LDAH: variants seen among roughly 807,000 people sequenced by gnomAD.
The protein encoded by LDAH is lipid droplet-associated hydrolase.
LDAH carries 26 observed loss-of-function variants against 29.6 expected under a neutral mutation model. The observed-to-expected ratio is 0.88, with a 90% CI of 0.64 to 1.22. The LOEUF (loss-of-function observed/expected upper bound fraction) is 1.22, where lower values mean the gene tolerates loss of function less well. Ranked by LOEUF, LDAH falls within the 50% of genes most tolerant of loss-of-function variation. The pLI is 0.00. For synonymous variants in LDAH, 117 were observed against 133.0 expected (o/e 0.88, Z 0.83); for missense variants, 344 against 387.3 (o/e 0.89, Z 0.94).
intron 2 of LDAH, among the ~76,000 whole-genome samples, chr2:20,801,062 A>G (rs1671625310): frequency 6.6e-6 from 1 of 151,802 alleles, no homozygotes; most frequent in African/African-American, 2.4e-5. Context: ...CTGCATATAT[A>G]GTACATACTT....
At chr2:20,683,233 T>C (rs1050092431), downstream of LDAH, among the ~76,000 whole-genome samples, 1 of 152,226 alleles carries the variant, frequency 6.6e-6, no homozygotes, top group Non-Finnish European at 1.5e-5. Flanking sequence ...TGGGCCAATG[T>C]GATCACTTAC....
At chr2:20,741,855 T>A (rs1480766001) in intron 4 of LDAH, among the ~76,000 whole-genome samples, 3 of 152,218 alleles carry the variant, frequency 2.0e-5, no homozygotes, top group Admixed American at 6.5e-5. Context: ...ATTTTCTTTA[T>A]CCATTCATCT....
Position 20,698,911 on chromosome 2 carries a change from A to G in LDAH, c.786+2659T>C, listed in dbSNP as rs561945290. 1.3e-5 allele frequency among the ~76,000 whole-genome samples: 2 copies of G among 152,322 alleles called. No individual in the cohort carries two copies. The highest frequency in any genetic ancestry group is 4.1e-4 in the South Asian group (2 of 4,826). Reference sequence around the variant, plus strand: ...AATGCCCATTTTCCTCAAGCATATAAAAAGCTCTCTTCTTGTGTCAAATGG... The same window carrying G: ...AATGCCCATTTTCCTCAAGCATATAGAAAGCTCTCTTCTTGTGTCAAATGG... On this transcript the variant is annotated intron_variant, in intron 6 of 6. Transcript: ENST00000237822. This position sits in a 1 kb window ranked among gnomAD's most constrained non-coding sequence, Gnocchi z 4.4.
intron 5 of LDAH, among the ~76,000 whole-genome samples, chr2:20,717,238 A>G (rs1665284179): frequency 6.6e-6 from 1 of 152,232 alleles, no homozygotes; most frequent in African/African-American, 2.4e-5. Context: ...TAACCACAAA[A>G]GATTGTTAAA....
chr2:20,689,954 C>T (rs340595), intron 6 of LDAH, among the ~76,000 whole-genome samples: 53,545 of 152,122 alleles, frequency 0.35, 9,817 homozygotes, highest in African/African-American at 0.42. Context: ...GAAAAGACCT[C>T]ATCTAATACA....
chr2:20,721,574 A>AC (rs986768882), intron 5 of LDAH, among the ~76,000 whole-genome samples: 6 of 151,764 alleles, frequency 4.0e-5, no homozygotes, highest in African/African-American at 1.5e-4. Flanking sequence ...CAAAAAAAAA[A>AC]CCCCACAATT....
At position 20,738,772 on chromosome 2, in the gene LDAH, A is replaced by G. The variant is rs1202480290; in HGVS notation, c.703+1199T>C. Among the ~76,000 whole-genome samples the G allele has an allele frequency of 2.0e-5, 3 of 152,234 alleles. No individual in the cohort carries two copies. In the East Asian group the frequency reaches 5.8e-4, roughly 29 times the overall value. On this transcript the variant is annotated intron_variant, in intron 5 of 6. Transcript: ENST00000237822. Reference sequence around the variant, plus strand: ...AATGGAAGGGGGAAAAAATCTATCAATAGGACAAATATACTGAACCTTGTA... The same window carrying G: ...AATGGAAGGGGGAAAAAATCTATCAGTAGGACAAATATACTGAACCTTGTA...
At chr2:20,812,797 C>T (rs772976971) in intron 1 of LDAH, among the ~76,000 whole-genome samples, 12 of 152,126 alleles carry the variant, frequency 7.9e-5, no homozygotes, top group Non-Finnish European at 1.5e-4. Context: ...TGTCCAAGAG[C>T]GTAAGAACCA....
At chr2:20,725,196 G>T (rs1054836408) in intron 5 of LDAH, among the ~76,000 whole-genome samples, 8 of 152,118 alleles carry the variant, frequency 5.3e-5, no homozygotes, top group Non-Finnish European at 8.8e-5. Flanking sequence ...TTAGGAAAAG[G>T]CTTTGGTAGA....
intron 1 of LDAH, among the ~76,000 whole-genome samples, chr2:20,811,057 G>A (rs1020197041): frequency 6.0e-4 from 88 of 146,126 alleles, no homozygotes; most frequent in African/African-American, 2.1e-3. Context: ...CCGCTCTCTC[G>A]CCCAGGCTGG....
Position 20,711,280 on chromosome 2 carries a change from C to T in LDAH, c.704-9628G>A, listed in dbSNP as rs369676145. Among the ~76,000 whole-genome samples the T allele has an allele frequency of 3.1e-3, 464 of 151,334 alleles. 5 individuals carry two copies. The highest frequency in any genetic ancestry group is 0.011 in the African/African-American group (438 of 41,230). ...GTGGGCGCCTGTAGTCCCAGCTACT[C>T]GGGAGGCTGAGGCAGAATGGTGTGA... On this transcript the variant is annotated intron_variant, in intron 5 of 6. Coordinates refer to ENST00000237822, the MANE Select transcript of LDAH (RefSeq NM_021925.4).
At chr2:20,719,304 A>G (rs892655263) in intron 5 of LDAH, among the ~76,000 whole-genome samples, 2 of 151,642 alleles carry the variant, frequency 1.3e-5, no homozygotes, top group Middle Eastern at 3.2e-3. Flanking sequence ...AAAAAAGGAA[A>G]CATTACAACT....
intron 4 of LDAH, among the ~76,000 whole-genome samples, chr2:20,755,396 A>G (rs1668274677): frequency 6.6e-6 from 1 of 152,202 alleles, no homozygotes; most frequent in Non-Finnish European, 1.5e-5. Context: ...TCAAGGCAGT[A>G]TCACCTTTGA....
chr2:20,793,690 TA>T (rs965314445), intron 2 of LDAH, among the ~76,000 whole-genome samples: 5 of 152,068 alleles, frequency 3.3e-5, no homozygotes, highest in Admixed American at 2.0e-4. Flanking sequence ...GATTTAAATT[TA>T]AAAAAAGTCT....
At chr2:20,797,236 CT>C in intron 2 of LDAH, among the ~76,000 whole-genome samples, 1 of 152,210 alleles carries the variant, frequency 6.6e-6, no homozygotes, top group African/African-American at 2.4e-5. Flanking sequence ...GATCAGGAAT[CT>C]TAGTCCAGCT....
chr2:20,750,673 C>T (rs184702183), intron 4 of LDAH, among the ~76,000 whole-genome samples: 1 of 152,220 alleles, frequency 6.6e-6, no homozygotes, highest in African/African-American at 2.4e-5. Context: ...AAATCAAAGA[C>T]TAACTTTGTC....
Position 20,804,479 on chromosome 2 carries a change from A to C in LDAH, c.-2-3014T>G, listed in dbSNP as rs187837103. Among the ~76,000 whole-genome samples, 234 of 152,360 alleles carry C rather than the reference A, an allele frequency of 1.5e-3. 2 individuals are homozygous for C. Among genetic ancestry groups the C allele is most frequent in the African/African-American group, 5.3e-3 (220 of 41,590 alleles). On this transcript the variant is annotated intron_variant, in intron 1 of 6. Transcript: ENST00000237822. ...GATGAATGCTTAATTATGATAACCCATTATCAGACACTAAAAAAATTATAT... is the reference window on the plus strand; with the variant it reads ...GATGAATGCTTAATTATGATAACCCCTTATCAGACACTAAAAAAATTATAT...
intron 6 of LDAH, among the ~76,000 whole-genome samples, chr2:20,700,881 CAATT>C (rs1180346678): frequency 6.6e-6 from 1 of 152,116 alleles, no homozygotes; most frequent in East Asian, 1.9e-4. Flanking sequence ...TGGCACAACT[CAATT>C]AAGGCTAGCC....
chr2:20,742,318 T>C (rs897929202), intron 4 of LDAH, among the ~76,000 whole-genome samples: 2 of 152,232 alleles, frequency 1.3e-5, no homozygotes, highest in African/African-American at 4.8e-5. Context: ...ATCAAGTTGA[T>C]TGATGGTGTT....
Sources: allele counts gnomAD v4.1 joint callset (sites outside exome capture counted in the v4.1 genomes callset), GRCh38; gene constraint gnomAD v4.1.1; non-coding constraint Gnocchi (gnomAD v3.1); transcripts MANE v1.5; gene names NCBI Gene and HGNC (gene_info 2026-07-23, HGNC 2026-07-21).